The following SCHIP1 variants were observed in gnomAD, a reference collection of about 807,000 sequenced individuals.
SCHIP1 encodes the protein schwannomin-interacting protein 1.
Under a neutral mutation model 29.7 loss-of-function variants are expected in SCHIP1, and 8 were observed. The observed-to-expected ratio is 0.27, with a 90% CI of 0.16 to 0.49. SCHIP1 has a LOEUF of 0.49. Ranked by LOEUF, SCHIP1 falls within the 20% of genes least tolerant of loss-of-function variation. The probability of loss-of-function intolerance (pLI) is 0.99; values close to 1 mark genes in which losing one functional copy is unlikely to be tolerated. For missense variants in SCHIP1, 193 were observed against 294.6 expected (o/e 0.66, Z 2.52); for synonymous variants, 76 against 94.9 (o/e 0.80, Z 1.16).
chr3:159,488,673 T>TA, the SCHIP1 span, among the ~76,000 whole-genome samples: 2 of 152,038 alleles, frequency 1.3e-5, no homozygotes, highest in Non-Finnish European at 2.9e-5. Context: ...AGCAGCCCCA[T>TA]AAAAAAGTCA....
chr3:159,571,716 T>C, the SCHIP1 span, among the ~76,000 whole-genome samples: 1 of 152,220 alleles, frequency 6.6e-6, no homozygotes, highest in Non-Finnish European at 1.5e-5. Context: ...AGCTCCTCTT[T>C]GTACCTCTGG....
At chr3:159,688,850 A>G in the SCHIP1 span, among the ~76,000 whole-genome samples, 1 of 152,238 alleles carries the variant, frequency 6.6e-6, no homozygotes, top group Non-Finnish European at 1.5e-5. Flanking sequence ...TTTATTAAAT[A>G]GGGAATCCTT....
chr3:159,613,068 A>G, the SCHIP1 span, among the ~76,000 whole-genome samples: 1 of 152,228 alleles, frequency 6.6e-6, no homozygotes, highest in Non-Finnish European at 1.5e-5. Context: ...GTCACATAAT[A>G]TGAAGACTTA....
At chr3:159,296,139 CT>C in the SCHIP1 span, among the ~76,000 whole-genome samples, 1 of 118,074 alleles carries the variant, frequency 8.5e-6, no homozygotes, top group Non-Finnish European at 2.0e-5. Flanking sequence ...ATGCTTGCTG[CT>C]CTTTTTTTTT....
At chr3:159,810,511 C>T in the SCHIP1 span, among the ~76,000 whole-genome samples, 1 of 152,224 alleles carries the variant, frequency 6.6e-6, no homozygotes, top group Non-Finnish European at 1.5e-5. Context: ...CACCGATCCA[C>T]TGTCTTTATA....
the SCHIP1 span, among the ~76,000 whole-genome samples, chr3:159,395,162 G>C: frequency 8.5e-5 from 13 of 152,176 alleles, no homozygotes; most frequent in East Asian, 2.5e-3. Flanking sequence ...GATCGGTGGT[G>C]ATATCCCCTT....
chr3:159,407,407 A>G, the SCHIP1 span, among the ~76,000 whole-genome samples: 1 of 152,204 alleles, frequency 6.6e-6, no homozygotes, highest in Admixed American at 6.5e-5. Flanking sequence ...ATTAGAGGTA[A>G]AGAGAGAGAT....
chr3:159,275,165 A>G, the SCHIP1 span: 3 of 687,274 alleles, frequency 4.4e-6, no homozygotes, highest in African/African-American at 2.0e-5. Context: ...GATAATTTCC[A>G]TAATTGATGT....
At chr3:159,442,576 G>T in the SCHIP1 span, among the ~76,000 whole-genome samples, 3 of 152,188 alleles carry the variant, frequency 2.0e-5, no homozygotes, top group Non-Finnish European at 2.9e-5. Context: ...CTGCTAGGCA[G>T]GGAGAATGGG....
At chr3:159,509,955 C>T in the SCHIP1 span, among the ~76,000 whole-genome samples, 3 of 152,256 alleles carry the variant, frequency 2.0e-5, no homozygotes, top group East Asian at 1.9e-4. Flanking sequence ...CTTGGAGTTG[C>T]TCTTCTCAAG....
chr3:159,365,459 CT>C, the SCHIP1 span, among the ~76,000 whole-genome samples: 7 of 152,072 alleles, frequency 4.6e-5, no homozygotes, highest in African/African-American at 1.7e-4. Flanking sequence ...TGATCACTTT[CT>C]CATACTATAT....
chr3:159,750,321 G>A, the SCHIP1 span, among the ~76,000 whole-genome samples: 63,573 of 135,312 alleles, frequency 0.47, 14,957 homozygotes, highest in Middle Eastern at 0.56. Context: ...ACACACACAC[G>A]TATACATATA....
the SCHIP1 span, among the ~76,000 whole-genome samples, chr3:159,302,810 A>G: frequency 6.6e-6 from 1 of 152,132 alleles, no homozygotes; most frequent in African/African-American, 2.4e-5. Flanking sequence ...GGTACTGAAA[A>G]ATCTCATGTC....
At chr3:159,621,127 G>A in the SCHIP1 span, among the ~76,000 whole-genome samples, 373 of 152,318 alleles carry the variant, frequency 2.4e-3, 2 homozygotes, top group Non-Finnish European at 4.3e-3. Flanking sequence ...CACTGTTGAT[G>A]TGGTACCATA....
At chr3:159,385,325 A>G in the SCHIP1 span, among the ~76,000 whole-genome samples, 1 of 152,226 alleles carries the variant, frequency 6.6e-6, no homozygotes, top group African/African-American at 2.4e-5. Context: ...TGGGAGGCTG[A>G]GTTGGGCAGA....
the SCHIP1 span, among the ~76,000 whole-genome samples, chr3:159,396,725 C>G: frequency 6.6e-6 from 1 of 151,942 alleles, no homozygotes; most frequent in Non-Finnish European, 1.5e-5. Flanking sequence ...TGAGGGTAAC[C>G]CGACCTTTCT....
the SCHIP1 span, among the ~76,000 whole-genome samples, chr3:159,569,070 T>C: frequency 6.6e-6 from 1 of 152,192 alleles, no homozygotes. Context: ...ACCCAATGTA[T>C]TGTTTTGCAT....
At chr3:159,313,325 G>T in the SCHIP1 span, among the ~76,000 whole-genome samples, 4 of 152,158 alleles carry the variant, frequency 2.6e-5, no homozygotes, top group Non-Finnish European at 4.4e-5. Context: ...GCATATATTG[G>T]TCTGTGCCTC....
chr3:159,392,609 A>G, the SCHIP1 span, among the ~76,000 whole-genome samples: 4,651 of 151,958 alleles, frequency 0.031, 276 homozygotes, highest in African/African-American at 0.11. Context: ...GATGATTTCC[A>G]ATTTCATCCA....
Sources: gnomAD v4.1 joint callset for allele counts (sites outside exome capture counted in the v4.1 genomes callset) on GRCh38, gnomAD v4.1.1 for gene constraint, MANE v1.5 for transcripts, NCBI Gene and HGNC (gene_info 2026-07-23, HGNC 2026-07-21) for gene names.